STPG2: variants seen among roughly 807,000 people sequenced by gnomAD.
STPG2 encodes sperm tail PG-rich repeat containing 2.
In STPG2, 56 loss-of-function variants were observed where a neutral mutation model predicts 54.2. The ratio of observed to expected loss-of-function variants is 1.03; its 90% CI spans 0.83 to 1.29. The LOEUF (loss-of-function observed/expected upper bound fraction) is 1.29. Ranked by LOEUF, STPG2 falls within the 50% of genes most tolerant of loss-of-function variation. The pLI, the probability that STPG2 is intolerant of heterozygous loss-of-function variation, is 0.00. For missense variants in STPG2, 596 were observed against 544.9 expected (o/e 1.09, Z -0.93); for synonymous variants, 200 against 181.8 (o/e 1.10, Z -0.81).
At chr4:97,943,798 C>T in intron 8 of STPG2, 99 bp downstream of exon 8, 1 of 837,970 alleles carries the variant, frequency 1.2e-6, no homozygotes, top group South Asian at 2.0e-5. Context: ...CAGCACGCTA[C>T]CAGTTACCTC....
intron 8 of STPG2, among the ~76,000 whole-genome samples, chr4:97,848,654 T>C (rs1007185217): frequency 6.6e-6 from 1 of 152,186 alleles, no homozygotes. Context: ...AAATCTTTAA[T>C]CCATCGTGAA....
At chr4:97,882,544 T>C (rs940337960) in intron 8 of STPG2, among the ~76,000 whole-genome samples, 3 of 152,176 alleles carry the variant, frequency 2.0e-5, no homozygotes. Flanking sequence ...TGGATCTGAC[T>C]AAAGCTATGG....
chr4:97,657,516 T>C (rs1228299864), intron 10 of STPG2, among the ~76,000 whole-genome samples: 1 of 152,176 alleles, frequency 6.6e-6, no homozygotes, highest in Non-Finnish European at 1.5e-5. Context: ...AAAGAAGGAA[T>C]ATTGGCCTCC....
intron 10 of STPG2, among the ~76,000 whole-genome samples, chr4:97,597,684 C>G (rs1195561237): frequency 6.7e-6 from 1 of 148,346 alleles, no homozygotes; most frequent in African/African-American, 2.6e-5. Context: ...AATTCAACAT[C>G]CCTTCATGTT....
chr4:98,108,492 G>A (rs1332160304), intron 4 of STPG2, among the ~76,000 whole-genome samples: 4 of 152,084 alleles, frequency 2.6e-5, no homozygotes, highest in East Asian at 3.9e-4. Flanking sequence ...AAATATTCTC[G>A]GACTTACACT....
chr4:97,858,906 G>C (rs1456778841), intron 8 of STPG2, among the ~76,000 whole-genome samples: 1 of 152,110 alleles, frequency 6.6e-6, no homozygotes, highest in African/African-American at 2.4e-5. Context: ...CCTCTGGGTA[G>C]ATACCCAGTA....
intron 9 of STPG2, among the ~76,000 whole-genome samples, 173 bp downstream of exon 9, chr4:97,840,600 T>A (rs1414803000): frequency 1.3e-5 from 2 of 150,426 alleles, no homozygotes; most frequent in African/African-American, 5.0e-5. Flanking sequence ...CCTCAAATAA[T>A]GTTGTTTAGT....
At chr4:97,841,263 T>C (rs1307920380) in intron 8 of STPG2, among the ~76,000 whole-genome samples, 1 of 151,730 alleles carries the variant, frequency 6.6e-6, no homozygotes, top group Non-Finnish European at 1.5e-5. Context: ...AATGATTACC[T>C]GTTTTCCTAA....
At chr4:97,523,116 G>C (rs972947655) in intron 4 of STPG2, among the ~76,000 whole-genome samples, 2 of 151,848 alleles carry the variant, frequency 1.3e-5, no homozygotes, top group East Asian at 3.9e-4. Context: ...TTCATCCACT[G>C]TATAAATAGC....
intron 9 of STPG2, among the ~76,000 whole-genome samples, chr4:97,755,004 T>G (rs2149048248): frequency 6.6e-6 from 1 of 152,226 alleles, no homozygotes; most frequent in Middle Eastern, 3.4e-3. Flanking sequence ...ATGACTAAGG[T>G]TAACGAGGTC....
intron 4 of STPG2, among the ~76,000 whole-genome samples, chr4:97,446,591 G>A (rs1217245366): frequency 1.3e-5 from 2 of 152,170 alleles, no homozygotes; most frequent in Non-Finnish European, 2.9e-5. Flanking sequence ...TATCAAGGGA[G>A]GGACCAGGTG....
chr4:97,587,467 A>C (rs1284068042), intron 10 of STPG2, among the ~76,000 whole-genome samples: 1 of 152,016 alleles, frequency 6.6e-6, no homozygotes, highest in Admixed American at 6.6e-5. Context: ...TTCAGAAATG[A>C]GAAAAATATC....
chr4:97,758,656 G>A (rs187483881), intron 9 of STPG2, among the ~76,000 whole-genome samples: 3 of 152,200 alleles, frequency 2.0e-5, no homozygotes, highest in African/African-American at 7.2e-5. Context: ...AGAGCATTAG[G>A]ACAAATACCT....
intron 4 of STPG2, among the ~76,000 whole-genome samples, chr4:97,463,783 T>G (rs1187481481): frequency 6.6e-6 from 1 of 152,222 alleles, no homozygotes; most frequent in African/African-American, 2.4e-5. Context: ...TTAGTATATT[T>G]GTTATCACTA....
chr4:97,737,797 A>T (rs1725064980), intron 9 of STPG2, among the ~76,000 whole-genome samples: 1 of 152,234 alleles, frequency 6.6e-6, no homozygotes, highest in Non-Finnish European at 1.5e-5. Context: ...TCAGGATATT[A>T]TCCAGGAGAA....
chr4:97,668,950 G>A (rs1164878318), intron 10 of STPG2, among the ~76,000 whole-genome samples: 1 of 151,912 alleles, frequency 6.6e-6, no homozygotes. Flanking sequence ...GGACAGGGCA[G>A]AATTCTGAGG....
At chr4:97,608,411 C>G (rs552913618) in intron 10 of STPG2, among the ~76,000 whole-genome samples, 1 of 151,896 alleles carries the variant, frequency 6.6e-6, no homozygotes, top group African/African-American at 2.4e-5. Context: ...GAGCTGAGCC[C>G]GTGTGAAGAG....
chr4:97,539,381 G>A (rs540526899), intron 4 of STPG2, among the ~76,000 whole-genome samples: 1 of 152,124 alleles, frequency 6.6e-6, no homozygotes, highest in East Asian at 1.9e-4. Context: ...AAAAAAGGCA[G>A]GGGTTGGAAT....
chr4:97,650,473 G>C (rs1722033620), intron 10 of STPG2, among the ~76,000 whole-genome samples: 2 of 152,112 alleles, frequency 1.3e-5, no homozygotes, highest in Admixed American at 1.3e-4. Context: ...GTTTGGTCTA[G>C]AAAGGCAAGA....
Sources: allele counts gnomAD v4.1 joint callset (sites outside exome capture counted in the v4.1 genomes callset), GRCh38; gene constraint gnomAD v4.1.1; transcripts MANE v1.5; gene names NCBI Gene and HGNC (gene_info 2026-07-23, HGNC 2026-07-21).